The following EPHA6 variants were observed in gnomAD, a reference collection of about 807,000 sequenced individuals.
EPHA6 encodes EPH receptor A6, also known as ephrin type-A receptor 6.
EPHA6 carries 50 observed loss-of-function variants against 112.0 expected under a neutral mutation model. The observed-to-expected ratio is 0.45, with a 90% CI of 0.36 to 0.56. EPHA6 has a LOEUF of 0.56. EPHA6 is among the 20% of genes least tolerant of loss of function. EPHA6 has a pLI of 0.00. For synonymous variants in EPHA6, 529 were observed against 490.7 expected, an observed-to-expected ratio of 1.08 and a Z score of -1.03; for missense variants, 1,280 against 1,417.4, an observed-to-expected ratio of 0.90 and a Z score of 1.56.
chr3:97,073,673 C>G (rs1356023590), intron 3 of EPHA6, among the ~76,000 whole-genome samples: 1 of 152,148 alleles, frequency 6.6e-6, no homozygotes, highest in Admixed American at 6.6e-5. Flanking sequence ...CTTCAATCTT[C>G]ATATGATCGT....
intron 3 of EPHA6, among the ~76,000 whole-genome samples, chr3:97,032,518 G>C (rs551612803): frequency 6.7e-6 from 1 of 150,210 alleles, no homozygotes; most frequent in Non-Finnish European, 1.5e-5. Context: ...CCAAATATGA[G>C]TCACTATCTT....
rs562443350 is a variant in EPHA6 at position 97,092,243 on chromosome 3, A to G, written c.1114+104250A>G. Reference sequence around the variant, plus strand: ...TTCTTTTATTTAACAGTGTGTGTCTATACCCAGATCTTATTCTGCACCTGT... The same window carrying G: ...TTCTTTTATTTAACAGTGTGTGTCTGTACCCAGATCTTATTCTGCACCTGT... On this transcript the variant is annotated intron_variant, in intron 3 of 17. Coordinates refer to ENST00000389672, the MANE Select transcript of EPHA6 (RefSeq NM_001080448.3). Among the ~76,000 whole-genome samples, 11 of 152,184 alleles carry G rather than the reference A, an allele frequency of 7.2e-5. No homozygotes were observed. In the East Asian group the frequency reaches 1.9e-3, roughly 27 times the overall value.
At chr3:97,454,907 G>A (rs796820236) in intron 7 of EPHA6, among the ~76,000 whole-genome samples, 5 of 151,974 alleles carry the variant, frequency 3.3e-5, no homozygotes, top group African/African-American at 1.2e-4. Flanking sequence ...TCAAGCAGGA[G>A]GCAGATTTCA....
intron 2 of EPHA6, among the ~76,000 whole-genome samples, chr3:96,961,286 T>C (rs2041941104): frequency 6.6e-6 from 1 of 152,216 alleles, no homozygotes; most frequent in Non-Finnish European, 1.5e-5. Flanking sequence ...TTCATCTCTA[T>C]TCTATAACTT....
intron 4 of EPHA6, among the ~76,000 whole-genome samples, chr3:97,230,367 G>T (rs968448788): frequency 3.9e-5 from 6 of 152,100 alleles, no homozygotes; most frequent in Non-Finnish European, 5.9e-5. Flanking sequence ...AGTCATTTTT[G>T]AATCAGATAT....
chr3:97,268,068 C>A (rs1003834277), intron 5 of EPHA6, among the ~76,000 whole-genome samples: 1 of 152,146 alleles, frequency 6.6e-6, no homozygotes, highest in Admixed American at 6.5e-5. Flanking sequence ...ATATCTGATT[C>A]ATCATACAAA....
rs571219752 is a variant in EPHA6, at chr3:97,241,047, G to GT, written c.1271-2900dup. Among the ~76,000 whole-genome samples the GT allele has an allele frequency of 3.3e-5, 5 of 151,726 alleles. No individual in the cohort carries two copies. In the South Asian group the frequency reaches 8.3e-4, roughly 25 times the overall value. ...AAGATTGGGACCTACCGGGACAGAT[G>GT]TTTTTCTGGTAAGGGAGAGTCTACC... On this transcript the variant is annotated intron_variant, in intron 4 of 17. Coordinates refer to ENST00000389672, the MANE Select transcript of EPHA6 (RefSeq NM_001080448.3).
chr3:97,172,188 T>C (rs2076721970), intron 3 of EPHA6, among the ~76,000 whole-genome samples: 3 of 152,084 alleles, frequency 2.0e-5, no homozygotes, highest in Non-Finnish European at 2.9e-5. Context: ...TATAGTGACC[T>C]AAATGGGATT....
chr3:97,509,761 G>T (rs142364025), intron 10 of EPHA6, among the ~76,000 whole-genome samples: 5 of 152,062 alleles, frequency 3.3e-5, no homozygotes, highest in African/African-American at 1.2e-4. Flanking sequence ...AGTTCTCCTG[G>T]ATAATATCCT....
At chr3:96,821,150 G>A (rs2033221610) in intron 1 of EPHA6, among the ~76,000 whole-genome samples, 1 of 151,684 alleles carries the variant, frequency 6.6e-6, no homozygotes, top group Non-Finnish European at 1.5e-5. Context: ...AGTAAACAAC[G>A]GTAAATTTTA....
chr3:97,346,667 A>ATTTT (rs59747272), intron 5 of EPHA6, among the ~76,000 whole-genome samples: 1 of 145,714 alleles, frequency 6.9e-6, no homozygotes, highest in African/African-American at 2.5e-5. Context: ...CAGATGTTCA[A>ATTTT]TTTTTTTTTT....
At chr3:96,979,230 C>A (rs113499938) in intron 2 of EPHA6, among the ~76,000 whole-genome samples, 3,949 of 139,942 alleles carry the variant, frequency 0.028, 187 homozygotes, top group African/African-American at 0.095. Flanking sequence ...CACCACAGGC[C>A]CCGGTGTGTG....
chr3:96,966,252 T>C (rs1371301060), intron 2 of EPHA6, among the ~76,000 whole-genome samples: 1 of 152,072 alleles, frequency 6.6e-6, no homozygotes, highest in East Asian at 1.9e-4. Flanking sequence ...TATCCCATCA[T>C]TAATACGGAT....
rs569908278 is a variant in EPHA6, at chr3:97,136,149, C to T, written c.1115-90115C>T. 2.6e-5 allele frequency among the ~76,000 whole-genome samples: 4 copies of T among 152,118 alleles called. No individual in the cohort carries two copies. The South Asian group carries it at 8.3e-4, about 32-fold the overall frequency. On this transcript the variant is annotated intron_variant, in intron 3 of 17. Coordinates refer to ENST00000389672, the MANE Select transcript of EPHA6 (RefSeq NM_001080448.3). ...TCCCCAGTTATGCCTTTAGGACTCC[C>T]ACAGATGACATGCAATGAAAGATGA...
At chr3:97,510,744 G>A (rs1364972821) in intron 10 of EPHA6, among the ~76,000 whole-genome samples, 1 of 152,200 alleles carries the variant, frequency 6.6e-6, no homozygotes, top group Admixed American at 6.5e-5. Flanking sequence ...TCTCTTCAGA[G>A]CCAGCAGGCA....
At chr3:97,570,794 A>T (rs2093325523) in intron 11 of EPHA6, among the ~76,000 whole-genome samples, 1 of 152,196 alleles carries the variant, frequency 6.6e-6, no homozygotes. Flanking sequence ...CTACACAAAA[A>T]GAAATAGAAA....
At chr3:96,835,270 T>C (rs192366487) in intron 1 of EPHA6, among the ~76,000 whole-genome samples, 2 of 152,218 alleles carry the variant, frequency 1.3e-5, no homozygotes, top group East Asian at 3.9e-4. Flanking sequence ...GACAGTTGAA[T>C]GTGTAGAGAA....
intron 2 of EPHA6, among the ~76,000 whole-genome samples, chr3:96,939,049 A>T (rs2040777297): frequency 6.6e-6 from 1 of 152,070 alleles, no homozygotes; most frequent in African/African-American, 2.4e-5. Flanking sequence ...TTCATCAAGG[A>T]TATTGGTCTA....
intron 6 of EPHA6, among the ~76,000 whole-genome samples, chr3:97,421,248 C>A (rs996854457): frequency 3.9e-5 from 6 of 151,934 alleles, no homozygotes; most frequent in Non-Finnish European, 7.4e-5. Flanking sequence ...CCACATTATT[C>A]CAGATGATAT....
Sources: gnomAD v4.1 joint callset for allele counts (sites outside exome capture counted in the v4.1 genomes callset) on GRCh38, gnomAD v4.1.1 for gene constraint, MANE v1.5 for transcripts, NCBI Gene and HGNC (gene_info 2026-07-23, HGNC 2026-07-21) for gene names.